The following KDM4C variants were observed in gnomAD, a reference collection of about 807,000 sequenced individuals.
The protein encoded by KDM4C is lysine-specific demethylase 4C.
Under a neutral mutation model 129.3 loss-of-function variants are expected in KDM4C, and 81 were observed. The ratio of observed to expected loss-of-function variants is 0.63; its 90% CI spans 0.52 to 0.75. KDM4C has a LOEUF of 0.75. KDM4C is among the 30% of genes least tolerant of loss of function. The probability of loss-of-function intolerance (pLI) is 0.00; values close to 1 mark genes in which losing one functional copy is unlikely to be tolerated. For synonymous variants in KDM4C, 573 were observed against 456.1 expected, an observed-to-expected ratio of 1.26 and a Z score of -3.26; for missense variants, 1,457 against 1,304.0, an observed-to-expected ratio of 1.12 and a Z score of -1.81.
rs7846765 is a variant in KDM4C at position 6,865,259 on chromosome 9, T to C, written c.630-14753T>C. 1.0e-2 allele frequency among the ~76,000 whole-genome samples: 1,519 copies of C among 152,238 alleles called. 26 individuals are homozygous for C. Among genetic ancestry groups the C allele is most frequent in the African/African-American group, 0.034 (1,404 of 41,558 alleles). ...TCCTGACCTCGTGATCCGACCGCCT[T>C]GGCCTCCCAAAGTTTTGGGATTACA... is the stretch of plus-strand genomic sequence containing the variant. On this transcript the variant is annotated intron_variant, in intron 5 of 21. Coordinates refer to ENST00000381309, the MANE Select transcript of KDM4C (RefSeq NM_015061.6).
At chr9:7,092,977 C>T (rs1835977152) in intron 17 of KDM4C, among the ~76,000 whole-genome samples, 2 of 152,086 alleles carry the variant, frequency 1.3e-5, no homozygotes, top group African/African-American at 2.4e-5. Context: ...GCCTAGCATC[C>T]ACAAAATATT....
rs146238692 is a variant in KDM4C, at chr9:7,074,024, C to T, written c.2424+24824C>T. Among the ~76,000 whole-genome samples the T allele has an allele frequency of 1.1e-4, 16 of 152,286 alleles. 2 individuals are homozygous for T. The highest frequency in any genetic ancestry group is 3.8e-4 in the African/African-American group (16 of 41,564). ...AGCTTTTAAAAAAGACAGTTCTAGACAGGAATTTGCTATCTAAAGAACAGC... is the reference window on the plus strand; with the variant it reads ...AGCTTTTAAAAAAGACAGTTCTAGATAGGAATTTGCTATCTAAAGAACAGC... On this transcript the variant is annotated intron_variant, in intron 17 of 21. Transcript: ENST00000381309.
chr9:6,722,639 G>A (rs765035018), intron 1 of KDM4C, among the ~76,000 whole-genome samples: 4 of 151,516 alleles, frequency 2.6e-5, no homozygotes, highest in African/African-American at 7.3e-5. Context: ...TCAGGCTCCC[G>A]AGTAGCTGCG....
chr9:7,120,995 A>G (rs1839427542), intron 18 of KDM4C, among the ~76,000 whole-genome samples: 1 of 152,246 alleles, frequency 6.6e-6, no homozygotes, highest in South Asian at 2.1e-4. Context: ...CATGAAAAAT[A>G]CAGAGAAACA....
upstream of KDM4C, chr9:6,757,879 G>A: frequency 2.0e-6 from 2 of 985,582 alleles, no homozygotes; most frequent in Non-Finnish European, 2.4e-6. Flanking sequence ...AAGCAAGAGC[G>A]TGCCGGGCAC....
intron 12 of KDM4C, among the ~76,000 whole-genome samples, chr9:7,009,917 G>A (rs575467005): frequency 6.6e-6 from 1 of 152,112 alleles, no homozygotes; most frequent in South Asian, 2.1e-4. Flanking sequence ...GAATCATGTA[G>A]CCTAGAAATA....
At chr9:7,149,202 C>T (rs1463294937) in intron 19 of KDM4C, among the ~76,000 whole-genome samples, 1 of 152,252 alleles carries the variant, frequency 6.6e-6, no homozygotes, top group East Asian at 1.9e-4. Context: ...GGTGCTGAGA[C>T]AGTCTGGGGT....
At chr9:6,868,625 C>T (rs1189339297) in intron 5 of KDM4C, among the ~76,000 whole-genome samples, 1 of 152,062 alleles carries the variant, frequency 6.6e-6, no homozygotes, top group Non-Finnish European at 1.5e-5. Context: ...TAGTTGTTAT[C>T]CCGAATTGTT....
At chr9:6,976,847 C>T (rs975778953) in intron 8 of KDM4C, among the ~76,000 whole-genome samples, 12 of 149,882 alleles carry the variant, frequency 8.0e-5, no homozygotes, top group Non-Finnish European at 1.0e-4. Flanking sequence ...TCATTTTTAT[C>T]GGTAAATACA....
chr9:6,758,282 G>C lies in KDM4C; in HGVS notation c.-18+79G>C. On this transcript the variant is annotated intron_variant, in intron 1 of 21. Transcript: ENST00000381309. The surrounding 1 kb of genome is among the most constrained non-coding windows in gnomAD (Gnocchi z 4.6). ...TCTTCCCGGCACTGCCCCCCTCCGC[G>C]TGGGGCACGGGGGTGCGGGCGTCCG... The C allele has an allele frequency of 2.3e-6, 2 of 874,578 alleles. No individual in the cohort carries two copies. The highest frequency in any genetic ancestry group is 2.7e-6 in the Non-Finnish European group (2 of 729,010). 54.2% of individuals were successfully genotyped at this position (874,578 alleles called of 1,614,324 possible).
intron 17 of KDM4C, among the ~76,000 whole-genome samples, chr9:7,054,187 G>A (rs7031179): frequency 0.77 from 117,808 of 152,184 alleles, 45,816 homozygotes; most frequent in African/African-American, 0.82. Context: ...TACTGAGGAC[G>A]TTTCCTTCTC....
At chr9:7,000,986 T>C (rs910301184) in intron 12 of KDM4C, among the ~76,000 whole-genome samples, 2 of 152,242 alleles carry the variant, frequency 1.3e-5, no homozygotes, top group African/African-American at 4.8e-5. Flanking sequence ...GGCAACATTC[T>C]ACAGGTTGGC....
At chr9:6,748,939 C>T (rs760550276) in intron 1 of KDM4C, 2 of 914,892 alleles carry the variant, frequency 2.2e-6, no homozygotes, top group South Asian at 1.3e-5. Context: ...ATGGGCTGCA[C>T]CATAACCTTC....
At chr9:6,871,771 A>T (rs142478454) in intron 5 of KDM4C, among the ~76,000 whole-genome samples, 25 of 152,336 alleles carry the variant, frequency 1.6e-4, no homozygotes, top group African/African-American at 5.8e-4. Flanking sequence ...CAGGCACTCT[A>T]CAAGGTAGAT....
At chr9:7,076,615 G>T in intron 17 of KDM4C, 1 of 1,411,772 alleles carries the variant, frequency 7.1e-7, no homozygotes, top group Non-Finnish European at 9.2e-7. Flanking sequence ...AATAGCCTGA[G>T]CTCCTGATTG....
At chr9:6,914,473 G>T (rs912572939) in intron 8 of KDM4C, among the ~76,000 whole-genome samples, 8 of 152,124 alleles carry the variant, frequency 5.3e-5, no homozygotes, top group Admixed American at 5.2e-4. Flanking sequence ...ACATGCTTTT[G>T]GTAAGATCAG....
chr9:6,925,675 A>C (rs907293346), intron 8 of KDM4C: 1 of 980,580 alleles, frequency 1.0e-6, no homozygotes, highest in Non-Finnish European at 1.2e-6. Flanking sequence ...GAGAACTGTA[A>C]GGGAATTTTC....
At chr9:6,894,928 A>G (rs915938045) in intron 8 of KDM4C, among the ~76,000 whole-genome samples, 1 of 152,236 alleles carries the variant, frequency 6.6e-6, no homozygotes, top group Non-Finnish European at 1.5e-5. Flanking sequence ...CCTATGGGTT[A>G]GAGAAAAGAA....
intron 5 of KDM4C, among the ~76,000 whole-genome samples, chr9:6,862,225 C>G (rs1841066338): frequency 6.6e-6 from 1 of 152,140 alleles, no homozygotes. Flanking sequence ...TGAGAAAGGA[C>G]TTGAATTAGT....
Sources: gnomAD v4.1 joint callset for allele counts (sites outside exome capture counted in the v4.1 genomes callset) on GRCh38, gnomAD v4.1.1 for gene constraint, Gnocchi (gnomAD v3.1) non-coding constraint, MANE v1.5 for transcripts, NCBI Gene and HGNC (gene_info 2026-07-23, HGNC 2026-07-21) for gene names.